ZDHHC14: variants seen among roughly 807,000 people sequenced by gnomAD.
ZDHHC14 encodes palmitoyltransferase ZDHHC14.
Under a neutral mutation model 47.7 loss-of-function variants are expected in ZDHHC14, and 16 were observed. The ratio of observed to expected loss-of-function variants is 0.34; its 90% CI spans 0.23 to 0.51. The LOEUF (loss-of-function observed/expected upper bound fraction) is 0.51. ZDHHC14 is among the 20% of genes least tolerant of loss of function. The pLI is 0.97. For missense variants in ZDHHC14, 515 were observed against 662.5 expected, an observed-to-expected ratio of 0.78 and a Z score of 2.44; for synonymous variants, 293 against 278.9, an observed-to-expected ratio of 1.05 and a Z score of -0.50.
At chr6:157,662,134 C>T (rs1329414002) in intron 8 of ZDHHC14, among the ~76,000 whole-genome samples, 2 of 151,696 alleles carry the variant, frequency 1.3e-5, no homozygotes, top group African/African-American at 2.4e-5. Flanking sequence ...TAGAGCTTTG[C>T]AATTTACAGA....
In ZDHHC14 at chr6:157,381,464, C is replaced by T. The variant is rs1188713321; in HGVS notation, c.-558C>T. 2.9e-6 allele frequency: 1 copy of T among 343,450 alleles called. No individual in the cohort carries two copies. The highest frequency in any genetic ancestry group is 5.9e-6 in the Non-Finnish European group (1 of 168,598). The allele number at this position is 343,450 out of a possible 1,614,324, so 21.3% of individuals were successfully genotyped here. ...TGTCCCCACCCCTGGGAGGGGTTGC[C>T]GGTGCCGCGCGCGGCCGCCCAGTCG... On this transcript the variant is annotated 5_prime_UTR_variant, in exon 1 of 9. Transcript: ENST00000359775.
chr6:157,504,253 G>A (rs1029842799), intron 1 of ZDHHC14, among the ~76,000 whole-genome samples: 3 of 151,934 alleles, frequency 2.0e-5, no homozygotes, highest in African/African-American at 4.8e-5. Context: ...TGCCGCCCAG[G>A]CTGGAGTGCA....
intron 1 of ZDHHC14, among the ~76,000 whole-genome samples, chr6:157,533,372 G>A (rs920268182): frequency 6.6e-6 from 1 of 152,194 alleles, no homozygotes; most frequent in Admixed American, 6.5e-5. Flanking sequence ...TGGGGTTGGT[G>A]GAGACGGGAT....
At chr6:157,551,313 ACTC>A (rs1396464195) in intron 2 of ZDHHC14, among the ~76,000 whole-genome samples, 4 of 152,024 alleles carry the variant, frequency 2.6e-5, no homozygotes, top group Admixed American at 2.6e-4. Context: ...ACCCTGGACA[ACTC>A]CTTTGGTTTA....
Position 157,647,343 on chromosome 6 carries a change from GC to G in ZDHHC14, c.943del (p.Leu315CysfsTer9). ...YGNIFTNCCV[A>X]LCGPISPSLI... ...AAATATCTTTACCAACTGCTGTGTT[GC>G]CCTGTGTGGGCCCATCTCACCAAGG... On this transcript the variant is annotated frameshift_variant, in exon 7 of 9. Coordinates refer to ENST00000359775, the MANE Select transcript of ZDHHC14 (RefSeq NM_024630.3). LOFTEE classifies it high-confidence loss of function. 1 of 1,614,014 alleles carries G rather than the reference GC, an allele frequency of 6.2e-7. No individual in the cohort carries two copies. The highest frequency in any genetic ancestry group is 8.5e-7 in the Non-Finnish European group (1 of 1,179,938).
intron 2 of ZDHHC14, among the ~76,000 whole-genome samples, chr6:157,548,651 G>A (rs181270458): frequency 6.6e-6 from 1 of 152,270 alleles, no homozygotes; most frequent in Admixed American, 6.5e-5. Flanking sequence ...TCTCTGTGTT[G>A]GTCAGGCTGG....
intron 3 of ZDHHC14, among the ~76,000 whole-genome samples, chr6:157,620,342 G>C (rs1367538049): frequency 2.0e-5 from 3 of 152,164 alleles, no homozygotes. Flanking sequence ...GATGGCCTCA[G>C]CTGCCCCTAA....
Position 157,676,075 on chromosome 6 carries a change from G to A in ZDHHC14, c.*2953G>A, listed in dbSNP as rs1447632553. 1 of 152,208 alleles carries A rather than the reference G, an allele frequency of 6.6e-6. No individual in the cohort carries two copies. The highest frequency in any genetic ancestry group is 1.9e-4 in the East Asian group (1 of 5,194). 9.4% of individuals were successfully genotyped at this position (152,208 alleles called of 1,614,324 possible). ...AAGCAGGCGGATGCTGCAGGAAGGT[G>A]GCAGACAGCCTGCATCCAGGAGGGC... On this transcript the variant is annotated 3_prime_UTR_variant, in exon 9 of 9. Transcript: ENST00000359775.
intron 1 of ZDHHC14, among the ~76,000 whole-genome samples, chr6:157,496,139 A>G (rs1209236354): frequency 6.6e-6 from 1 of 152,118 alleles, no homozygotes; most frequent in Non-Finnish European, 1.5e-5. Flanking sequence ...CTCTTGCCAT[A>G]TCCTTTCTTG....
At chr6:157,666,096 C>A (rs1181361786) in intron 8 of ZDHHC14, among the ~76,000 whole-genome samples, 1 of 152,178 alleles carries the variant, frequency 6.6e-6, no homozygotes, top group Admixed American at 6.5e-5. Flanking sequence ...CAGTTATGAT[C>A]CACTTTTTAG....
intron 1 of ZDHHC14, among the ~76,000 whole-genome samples, chr6:157,416,972 GTTTTTTTTTTTT>G (rs71027335): frequency 3.5e-4 from 16 of 45,554 alleles, no homozygotes; most frequent in East Asian, 1.8e-3. Context: ...TGCCTGGCTA[GTTTTTTTTTTTT>G]TTTTTTTTTT....
chr6:157,515,383 T>G (rs1259743354), intron 1 of ZDHHC14, among the ~76,000 whole-genome samples: 2 of 152,170 alleles, frequency 1.3e-5, no homozygotes, highest in African/African-American at 2.4e-5. Flanking sequence ...ATCTTAGGCC[T>G]TCTTTTCTGG....
intron 5 of ZDHHC14, 23 bp from the exon 6 acceptor site, chr6:157,645,714 C>T: frequency 6.2e-7 from 1 of 1,606,586 alleles, no homozygotes; most frequent in Non-Finnish European, 8.5e-7. Context: ...CTCACTTCCG[C>T]TTGCCTCCTT....
chr6:157,504,199 T>C (rs1011353810), intron 1 of ZDHHC14, among the ~76,000 whole-genome samples: 1 of 152,112 alleles, frequency 6.6e-6, no homozygotes, highest in African/African-American at 2.4e-5. Flanking sequence ...TATATTTTTT[T>C]TTTGTTTGCT....
intron 8 of ZDHHC14, among the ~76,000 whole-genome samples, chr6:157,657,771 G>A (rs1778169227): frequency 6.6e-6 from 1 of 152,238 alleles, no homozygotes; most frequent in African/African-American, 2.4e-5. Flanking sequence ...GATAAAAGCT[G>A]TACAGAGACA....
intron 1 of ZDHHC14, among the ~76,000 whole-genome samples, chr6:157,490,040 G>A (rs565703400): frequency 6.6e-6 from 1 of 152,268 alleles, no homozygotes; most frequent in South Asian, 2.1e-4. Flanking sequence ...GATGTTGGTG[G>A]GATGGGATGG....
At chr6:157,395,058 G>T (rs1312912347) in intron 1 of ZDHHC14, among the ~76,000 whole-genome samples, 1 of 148,410 alleles carries the variant, frequency 6.7e-6, no homozygotes, top group Non-Finnish European at 1.5e-5. Context: ...TTCATCTCGT[G>T]TGCCCTGGTG....
At chr6:157,494,314 G>A (rs930227636) in intron 1 of ZDHHC14, among the ~76,000 whole-genome samples, 3 of 152,178 alleles carry the variant, frequency 2.0e-5, no homozygotes, top group African/African-American at 4.8e-5. Context: ...TTGGATGCCT[G>A]TCCCTCCTCC....
chr6:157,523,936 T>TA (rs1355244758), intron 1 of ZDHHC14, among the ~76,000 whole-genome samples: 2 of 144,632 alleles, frequency 1.4e-5, no homozygotes, highest in East Asian at 4.0e-4. Flanking sequence ...GTTTCTCTCT[T>TA]ACTATTTTGT....
Sources: gnomAD v4.1 joint callset for allele counts (sites outside exome capture counted in the v4.1 genomes callset) on GRCh38, gnomAD v4.1.1 for gene constraint, MANE v1.5 for transcripts, NCBI Gene and HGNC (gene_info 2026-07-23, HGNC 2026-07-21) for gene names.